The following ATP4A variants were observed in gnomAD, a reference collection of about 807,000 sequenced individuals.
The protein encoded by ATP4A is potassium-transporting ATPase alpha chain 1.
Under a neutral mutation model 112.1 loss-of-function variants are expected in ATP4A, and 73 were observed. The ratio of observed to expected loss-of-function variants is 0.65; its 90% confidence interval spans 0.54 to 0.79. ATP4A has a LOEUF of 0.79. Among genes scored for constraint, ATP4A ranks in the 30% least tolerant of loss-of-function variants. The pLI is 0.00. For synonymous variants in ATP4A, 588 were observed against 588.9 expected (o/e 1.00, Z 0.02); for missense variants, 1,081 against 1,425.9 (o/e 0.76, Z 3.90).
chr19:35,550,724 T>C lies in ATP4A; in HGVS notation c.3080-81A>G. The C allele has an allele frequency of 6.2e-7, 1 of 1,609,452 alleles. No homozygotes were observed. The highest frequency in any genetic ancestry group is 8.5e-7 in the Non-Finnish European group (1 of 1,176,040). ...CCAGGGGCTCAGAGGTCAGTGCTGG[T>C]TGCTATGGAGGGTCAAGGGCTTAGA... On this transcript the variant is annotated intron_variant, in intron 21 of 21. Transcript: ENST00000262623. The surrounding 1 kb of genome is among the most constrained non-coding windows in gnomAD (Gnocchi z 4.1).
Position 35,560,388 on chromosome 19 carries a change from G to A in ATP4A, c.762C>T (p.Ala254=), listed in dbSNP as rs1242474229. 3 of 1,613,862 alleles carry A rather than the reference G, an allele frequency of 1.9e-6. No individual in the cohort carries two copies. Among genetic ancestry groups the A allele is most frequent in the East Asian group, 2.2e-5 (1 of 44,886 alleles). ...HESPLETRNI[A]FFSTMCLEGT... is the part of the protein sequence containing the mutation. Reference sequence around the variant, plus strand: ...CCTCAAGGCACATGGTGGAGAAGAAGGCGATGTTGCGGGTCTCCAGAGGGC... The same window carrying A: ...CCTCAAGGCACATGGTGGAGAAGAAAGCGATGTTGCGGGTCTCCAGAGGGC... Residue 254 remains alanine, a synonymous_variant, in exon 6 of 22, where the codon GCC becomes GCT. Transcript: ENST00000262623. This position sits in a 1 kb window ranked among gnomAD's most constrained non-coding sequence, Gnocchi z 5.1.
In ATP4A at chr19:35,553,698, G is replaced by GC; in HGVS notation, c.2605+7dup. The GC allele has an allele frequency of 6.2e-7, 1 of 1,612,946 alleles. No individual in the cohort carries two copies. The highest frequency in any genetic ancestry group is 8.5e-7 in the Non-Finnish European group (1 of 1,179,622). On this transcript the variant is annotated splice_region_variant and intron_variant, in intron 17 of 21. Coordinates refer to ENST00000262623, the MANE Select transcript of ATP4A (RefSeq NM_000704.3). ...CACCTCCAGGCTCCCCGGCCCACGG[G>GC]CACCCACCAATCTGGAAGTAGGAGT...
rs749648826 is a variant in ATP4A at position 35,550,564 on chromosome 19, TG to T, written c.*50del. ...GCTGTCCAGAGGGTCCCACGAGCCC[TG>T]CCCCCACCTGCTGTGGCAGTTGCAG... On this transcript the variant is annotated 3_prime_UTR_variant, in exon 22 of 22. Coordinates refer to ENST00000262623, the MANE Select transcript of ATP4A (RefSeq NM_000704.3). The surrounding 1 kb of genome is among the most constrained non-coding windows in gnomAD (Gnocchi z 4.1). 1 of 1,610,662 alleles carries T rather than the reference TG, an allele frequency of 6.2e-7. No individual in the cohort carries two copies. The highest frequency in any genetic ancestry group is 2.2e-5 in the East Asian group (1 of 44,866).
intron 4 of ATP4A, among the ~76,000 whole-genome samples, chr19:35,561,356 G>A (rs1490839957): frequency 6.6e-6 from 1 of 151,624 alleles, no homozygotes; most frequent in African/African-American, 2.4e-5. Flanking sequence ...TCACATCCTG[G>A]GTTTTCCATA....
At position 35,557,803 on chromosome 19, in the gene ATP4A, C is replaced by T. The variant is rs751095521; in HGVS notation, c.1545G>A (p.Leu515=). ...GCTCGGGGGCGCCCTTCATCACCAG[C>T]AAGTGTCGCGGGTCCCGCGGGTCCT... The part of the protein sequence containing the change: ...TLEDPRDPRH[L]LVMKGAPERV... The change falls in exon 11 of 22, where the codon TTG becomes TTA. Residue 515 remains leucine, a synonymous_variant. Coordinates refer to ENST00000262623, the MANE Select transcript of ATP4A (RefSeq NM_000704.3). This position sits in a 1 kb window ranked among gnomAD's most constrained non-coding sequence, Gnocchi z 4.4. The T allele has an allele frequency of 1.3e-6, 2 of 1,571,042 alleles. No homozygotes were observed. Among genetic ancestry groups the T allele is most frequent in the Non-Finnish European group, 1.7e-6 (2 of 1,153,058 alleles).
rs41513445 is a variant in ATP4A at position 35,551,174 on chromosome 19, T to C, written c.2886-63A>G. 1.6e-4 allele frequency: 247 copies of C among 1,504,588 alleles called. No individual in the cohort carries two copies. In the African/African-American group the frequency reaches 3.1e-3, roughly 19 times the overall value. 93.2% of individuals were successfully genotyped at this position (1,504,588 alleles called of 1,614,324 possible). On this transcript the variant is annotated intron_variant, in intron 19 of 21. Transcript: ENST00000262623. This position sits in a 1 kb window ranked among gnomAD's most constrained non-coding sequence, Gnocchi z 5.2. ...GGGGACGTGATGGAAATCAGGATAC[T>C]GTGGGTCAAAGTAGGTCAGATGTCA...
rs1217950149 is a variant in ATP4A at position 35,560,241 on chromosome 19, G to C, written c.787+122C>G. ...TGTGCCCTGGGGAGGTGGCAGTCAC[G>C]GGGAGGTGGCAGTCATGCAGGAGAG... On this transcript the variant is annotated intron_variant, in intron 6 of 21. Transcript: ENST00000262623. The surrounding 1 kb of genome is among the most constrained non-coding windows in gnomAD (Gnocchi z 5.1). 6 of 1,539,248 alleles carry C rather than the reference G, an allele frequency of 3.9e-6. No homozygotes were observed. The highest frequency in any genetic ancestry group is 2.3e-5 in the East Asian group (1 of 44,344).
Position 35,560,240 on chromosome 19 carries a change from CG to C in ATP4A, c.787+122del. 1 of 1,537,176 alleles carries C rather than the reference CG, an allele frequency of 6.5e-7. No homozygotes were observed. Among genetic ancestry groups the C allele is most frequent in the Non-Finnish European group, 8.8e-7 (1 of 1,138,512 alleles). On this transcript the variant is annotated intron_variant, in intron 6 of 21. Transcript: ENST00000262623. This position sits in a 1 kb window ranked among gnomAD's most constrained non-coding sequence, Gnocchi z 5.1. ...GTGTGCCCTGGGGAGGTGGCAGTCA[CG>C]GGGAGGTGGCAGTCATGCAGGAGAG...
chr19:35,560,266 G>C lies in ATP4A; in HGVS notation c.787+97C>G, dbSNP rs531124720. The C allele has an allele frequency of 2.8e-4, 434 of 1,565,832 alleles. No homozygotes were observed. The African/African-American group carries it at 5.1e-3, about 18-fold the overall frequency. On this transcript the variant is annotated intron_variant, in intron 6 of 21. Transcript: ENST00000262623. This position sits in a 1 kb window ranked among gnomAD's most constrained non-coding sequence, Gnocchi z 5.1. ...GGGGAGGTGGCAGTCATGCAGGAGA[G>C]AGACAGGGAGGCTGAAGCCCCCTGT... is the stretch of plus-strand genomic sequence containing the variant.
Position 35,560,659 on chromosome 19 carries a change from G to C in ATP4A, c.535-44C>G. On this transcript the variant is annotated intron_variant, in intron 5 of 21. Coordinates refer to ENST00000262623, the MANE Select transcript of ATP4A (RefSeq NM_000704.3). This position sits in a 1 kb window ranked among gnomAD's most constrained non-coding sequence, Gnocchi z 5.1. ...AAAGTTGAGGTGGACGGGGGTGGGG[G>C]TGGGAGCTGCTGCATGTGGGGAGGT... is the stretch of plus-strand genomic sequence containing the variant. The C allele has an allele frequency of 1.3e-6, 2 of 1,556,014 alleles. No homozygotes were observed. Among genetic ancestry groups the C allele is most frequent in the Non-Finnish European group, 1.8e-6 (2 of 1,134,252 alleles).
In ATP4A at chr19:35,551,069, G is replaced by T; in HGVS notation, c.2928C>A (p.Ile976=). The T allele has an allele frequency of 6.2e-7, 1 of 1,613,634 alleles. No homozygotes were observed. Among genetic ancestry groups the T allele is most frequent in the Non-Finnish European group, 8.5e-7 (1 of 1,179,758 alleles). The stretch of plus-strand genomic sequence containing the variant: ...CGGGGCAGTAGCACAGGAAGCAGCC[G>T]ATGCAGACCTGGAACACGATGGCGA... ...LVIAIVFQVC[I]GCFLCYCPGM... Residue 976 remains isoleucine (I), a synonymous_variant, in exon 20 of 22, where the codon ATC becomes ATA. Transcript: ENST00000262623. This position sits in a 1 kb window ranked among gnomAD's most constrained non-coding sequence, Gnocchi z 5.2.
intron 16 of ATP4A, 38 bp downstream of exon 16, chr19:35,554,884 G>A: frequency 6.2e-7 from 1 of 1,613,072 alleles, no homozygotes; most frequent in Non-Finnish European, 8.5e-7. Context: ...AGTGTCTCTG[G>A]GCACCCTGTG....
rs2071628753 is a variant in ATP4A, at chr19:35,555,842, C to A, written c.1870-30G>T. ...AGGGGGAACCAGTGGATCACTGACC[C>A]CTTCAGATCAGCCCAATCTCCCTGT... On this transcript the variant is annotated intron_variant, in intron 12 of 21. Coordinates refer to ENST00000262623, the MANE Select transcript of ATP4A (RefSeq NM_000704.3). The surrounding 1 kb of genome is among the most constrained non-coding windows in gnomAD (Gnocchi z 6.6). 2 of 1,579,600 alleles carry A rather than the reference C, an allele frequency of 1.3e-6. No individual in the cohort carries two copies.
At position 35,558,970 on chromosome 19, in the gene ATP4A, C is replaced by A; in HGVS notation, c.1255+23G>T. On this transcript the variant is annotated intron_variant, in intron 8 of 21. Coordinates refer to ENST00000262623, the MANE Select transcript of ATP4A (RefSeq NM_000704.3). This position sits in a 1 kb window ranked among gnomAD's most constrained non-coding sequence, Gnocchi z 5.1. ...CCATCCACCAGATCCTGCCCTGGCG[C>A]CTGTGCCCTCCCTCCCCCACACCTG... 6.2e-7 allele frequency: 1 copy of A among 1,613,420 alleles called. No individual in the cohort carries two copies. Among genetic ancestry groups the A allele is most frequent in the Non-Finnish European group, 8.5e-7 (1 of 1,179,492 alleles).
Position 35,561,847 on chromosome 19 carries a change from C to CTT in ATP4A, c.420+586_420+587dup, listed in dbSNP as rs71167554. ...TGTCCTCTGCTTCCAAGTCCCATCT[C>CTT]TTTTTTTTTTTTTTTTTTTTTTTTT... is the stretch of plus-strand genomic sequence containing the variant. On this transcript the variant is annotated intron_variant, in intron 4 of 21. Coordinates refer to ENST00000262623, the MANE Select transcript of ATP4A (RefSeq NM_000704.3). 1.3e-4 allele frequency among the ~76,000 whole-genome samples: 13 copies of CTT among 103,814 alleles called. 1 individual carries two copies. The highest frequency in any genetic ancestry group is 2.9e-4 in the Admixed American group (3 of 10,318). The allele number at this position is 103,814 out of a possible 152,430, so 68.1% of individuals were successfully genotyped here.
At chr19:35,554,810 G>T in intron 16 of ATP4A, 112 bp downstream of exon 16, 11 of 1,453,808 alleles carry the variant, frequency 7.6e-6, no homozygotes, top group South Asian at 3.8e-5. Context: ...CACAGGTCTT[G>T]TCTGTCACTC....
At chr19:35,561,067 ACCATTCCCTGTAG>A (rs1227429726) in intron 4 of ATP4A, 135 bp from the exon 5 acceptor site, 2 of 693,250 alleles carry the variant, frequency 2.9e-6, no homozygotes, top group Non-Finnish European at 5.1e-6. Context: ...AGCTCCATGC[ACCATTCCCTGTAG>A]CCTTTAGCCC....
At chr19:35,562,829 C>T (rs1599576004) in intron 3 of ATP4A, among the ~76,000 whole-genome samples, 191 bp from the exon 4 acceptor site, 1 of 150,364 alleles carries the variant, frequency 6.7e-6, no homozygotes, top group African/African-American at 2.4e-5. Context: ...GTCTCTCTCT[C>T]CTCGCTCCCC....
intron 16 of ATP4A, 75 bp from the exon 17 acceptor site, chr19:35,553,904 C>T (rs2071616176): frequency 4.0e-6 from 6 of 1,512,090 alleles, no homozygotes; most frequent in Non-Finnish European, 4.4e-6. Flanking sequence ...GTCCCCCTTC[C>T]CCCACTTGTG....
Sources: allele counts gnomAD v4.1 joint callset (sites outside exome capture counted in the v4.1 genomes callset), GRCh38; gene constraint gnomAD v4.1.1; non-coding constraint Gnocchi (gnomAD v3.1); transcripts MANE v1.5; gene names NCBI Gene and HGNC (gene_info 2026-07-23, HGNC 2026-07-21).